OR52I2: variants seen among roughly 807,000 people sequenced by gnomAD.
The protein encoded by OR52I2 is olfactory receptor 52I2.
For synonymous variants in OR52I2, 147 were observed against 151.9 expected (o/e 0.97, Z 0.24); for missense variants, 350 against 402.4 (o/e 0.87, Z 1.11).
At chr11:4,589,742 G>A (rs186234314) in exon 2 of OR52I2, 4 of 152,208 alleles carry the variant, frequency 2.6e-5, no homozygotes, top group African/African-American at 9.7e-5. Flanking sequence ...GGCTGATTGG[G>A]TGCATGTTTG....
intron 1 of OR52I2, among the ~76,000 whole-genome samples, chr11:4,582,391 T>C (rs965569358): frequency 2.6e-5 from 4 of 151,822 alleles, no homozygotes; most frequent in Admixed American, 2.6e-4. Context: ...TCATGAGTTA[T>C]TGACATTAAG....
Position 4,589,239 on chromosome 11 carries a change from C to T in OR52I2, c.*1374C>T, listed in dbSNP as rs550489013. On this transcript the variant is annotated 3_prime_UTR_variant, in exon 2 of 2. Coordinates refer to ENST00000641896, the Ensembl canonical transcript of OR52I2. ...GGGACAAGGCAGGATGATTGAGTAT[C>T]CAGAGGGAAAAGAGGGCCCCAATGA... 7 of 152,264 alleles carry T rather than the reference C, an allele frequency of 4.6e-5. No individual in the cohort carries two copies. In the South Asian group the frequency reaches 1.5e-3, roughly 32 times the overall value. The allele number at this position is 152,264 out of a possible 1,614,324, so 9.4% of individuals were successfully genotyped here.
intron 1 of OR52I2, among the ~76,000 whole-genome samples, chr11:4,585,242 G>A (rs1161645132): frequency 1.3e-5 from 2 of 152,086 alleles, no homozygotes; most frequent in African/African-American, 4.8e-5. Flanking sequence ...TTTGAGTGTG[G>A]TACATGAAAG....
chr11:4,586,213 A>G (rs890448726), intron 1 of OR52I2, among the ~76,000 whole-genome samples: 6 of 152,088 alleles, frequency 3.9e-5, no homozygotes, highest in Non-Finnish European at 7.4e-5. Flanking sequence ...TAATGATCTT[A>G]TTTTTCCCAA....
exon 2 of OR52I2, chr11:4,587,814 A>G (rs775462347): frequency 4.3e-6 from 7 of 1,613,992 alleles, no homozygotes; most frequent in Non-Finnish European, 5.9e-6. Flanking sequence ...GGGAGAGAAT[A>G]TGGAGTTATC....
At chr11:4,591,272 G>C (rs1846348501) in exon 2 of OR52I2, 2 of 152,312 alleles carry the variant, frequency 1.3e-5, no homozygotes, top group African/African-American at 2.4e-5. Flanking sequence ...GGTAAAAAGA[G>C]GTAGCTTGAG....
Position 4,587,175 on chromosome 11 carries a change from A to C in OR52I2, c.285A>C (p.Ser95=), listed in dbSNP as rs2201338. The change falls in exon 2 of 2, where the codon TCA becomes TCC. Residue 95 remains serine, a synonymous_variant. Transcript: ENST00000641896. ...GCATCTTCTGCTCAGGAGACAGCTC[A>C]ATCAGCTTTAGTGCTTGTTTCACTC... The C allele has an allele frequency of 4.5e-4, 720 of 1,613,552 alleles. 4 individuals carry two copies. The African/African-American group carries it at 4.6e-3, about 10-fold the overall frequency.
exon 2 of OR52I2, chr11:4,587,555 A>C (rs201226231): frequency 7.4e-6 from 12 of 1,613,964 alleles, no homozygotes; most frequent in African/African-American, 1.3e-5. Context: ...GCTGCCTCCT[A>C]TATCTTAATT....
intron 1 of OR52I2, among the ~76,000 whole-genome samples, chr11:4,584,917 A>G (rs1317754638): frequency 6.6e-6 from 1 of 152,220 alleles, no homozygotes; most frequent in African/African-American, 2.4e-5. Context: ...ATCTAAAAGT[A>G]TGGGATTTAT....
exon 1 of OR52I2, chr11:4,581,799 A>G (rs1564858869): frequency 6.6e-6 from 1 of 152,232 alleles, no homozygotes; most frequent in Non-Finnish European, 1.5e-5. Context: ...TCTTCTGAGT[A>G]AAAGAAATGT....
exon 2 of OR52I2, chr11:4,591,985 C>T (rs1310308350): frequency 6.6e-6 from 1 of 152,220 alleles, no homozygotes; most frequent in Non-Finnish European, 1.5e-5. Context: ...GAGACATCTT[C>T]AGTGGCAACT....
At chr11:4,586,806 G>A in intron 1 of OR52I2, 66 bp from the exon 2 acceptor site, 1 of 1,610,278 alleles carries the variant, frequency 6.2e-7, no homozygotes. Context: ...GGTTTTCCCA[G>A]CACCACATGT....
intron 1 of OR52I2, among the ~76,000 whole-genome samples, chr11:4,582,395 C>T (rs1336879390): frequency 6.8e-6 from 1 of 147,744 alleles, no homozygotes; most frequent in Non-Finnish European, 1.5e-5. Context: ...GAGTTATTGA[C>T]ATTAAGAAAC....
At chr11:4,592,523 A>G (rs1456237084) in exon 2 of OR52I2, 1 of 152,166 alleles carries the variant, frequency 6.6e-6, no homozygotes, top group African/African-American at 2.4e-5. Context: ...CAATGTCTCC[A>G]AAAGCTAGGT....
intron 1 of OR52I2, among the ~76,000 whole-genome samples, chr11:4,584,157 T>C (rs977255981): frequency 7.2e-5 from 11 of 152,142 alleles, no homozygotes; most frequent in African/African-American, 2.7e-4. Context: ...CAGGAAGAAA[T>C]AGACAAAGCA....
At chr11:4,582,741 T>C (rs1846521022) in intron 1 of OR52I2, among the ~76,000 whole-genome samples, 1 of 152,114 alleles carries the variant, frequency 6.6e-6, no homozygotes, top group Non-Finnish European at 1.5e-5. Context: ...GTCGAACTTT[T>C]TAAAGCTACT....
At chr11:4,584,211 G>T (rs1846281938) in intron 1 of OR52I2, among the ~76,000 whole-genome samples, 2 of 152,212 alleles carry the variant, frequency 1.3e-5, no homozygotes, top group Non-Finnish European at 2.9e-5. Context: ...TCATTTAAGA[G>T]TGCCTGAACA....
chr11:4,584,790 G>A (rs1188072082), intron 1 of OR52I2, among the ~76,000 whole-genome samples: 1 of 152,194 alleles, frequency 6.6e-6, no homozygotes, highest in Admixed American at 6.5e-5. Context: ...GACATCTTCA[G>A]TGGTAGATTA....
At chr11:4,586,293 TA>T (rs1393951814) in intron 1 of OR52I2, among the ~76,000 whole-genome samples, 1 of 152,154 alleles carries the variant, frequency 6.6e-6, no homozygotes, top group Non-Finnish European at 1.5e-5. Context: ...GTACCAAGGA[TA>T]AAAAATACGA....
Sources: gnomAD v4.1 joint callset for allele counts (sites outside exome capture counted in the v4.1 genomes callset) on GRCh38, gnomAD v4.1.1 for gene constraint, MANE v1.5 for transcripts, NCBI Gene and HGNC (gene_info 2026-07-23, HGNC 2026-07-21) for gene names.